ROBO2: variants seen among roughly 807,000 people sequenced by gnomAD.
The protein encoded by ROBO2 is roundabout guidance receptor 2.
ROBO2 carries 53 observed loss-of-function variants against 160.8 expected under a neutral mutation model. The ratio of observed to expected loss-of-function variants is 0.33; its 90% confidence interval spans 0.26 to 0.41. The LOEUF is 0.41. ROBO2 is among the 10% of genes least tolerant of loss of function. The pLI, the probability that ROBO2 is intolerant of heterozygous loss-of-function variation, is 1.00. For missense variants in ROBO2, 1,577 were observed against 1,722.4 expected (o/e 0.92, Z 1.49); for synonymous variants, 664 against 611.7 (o/e 1.09, Z -1.26).
chr3:77,094,029 T>C (rs943417157), intron 1 of ROBO2, among the ~76,000 whole-genome samples: 1 of 152,200 alleles, frequency 6.6e-6, no homozygotes, highest in African/African-American at 2.4e-5. Context: ...GTATAAAATA[T>C]AATAATCTTT....
intron 2 of ROBO2, among the ~76,000 whole-genome samples, chr3:76,705,793 T>G (rs264561): frequency 0.43 from 65,202 of 151,474 alleles, 14,216 homozygotes; most frequent in Non-Finnish European, 0.47. Flanking sequence ...TTCTTTCTAT[T>G]TGCATAAAGT....
intron 2 of ROBO2, among the ~76,000 whole-genome samples, chr3:76,595,283 A>G (rs1432248318): frequency 6.6e-6 from 1 of 152,058 alleles, no homozygotes; most frequent in Admixed American, 6.6e-5. Flanking sequence ...ATATATATAT[A>G]CATAGAACAC....
At position 76,893,942 on chromosome 3, in the gene ROBO2, A is replaced by G. The variant is rs142030637; in HGVS notation, c.110-204072A>G. Among the ~76,000 whole-genome samples the G allele has an allele frequency of 2.1e-3, 321 of 152,234 alleles. 1 individual carries two copies. The highest frequency in any genetic ancestry group is 0.014 in the Middle Eastern group (4 of 294). On this transcript the variant is annotated intron_variant, in intron 2 of 26. Transcript: ENST00000487694. ...TATGATATTTGTCTTTTGTTTTTAT[A>G]AACAAGAAGTGAATAATTACCCCTG...
At chr3:76,684,793 C>A (rs1487676150) in intron 2 of ROBO2, among the ~76,000 whole-genome samples, 4 of 152,056 alleles carry the variant, frequency 2.6e-5, no homozygotes, top group Admixed American at 2.6e-4. Context: ...TCTTTCTGAA[C>A]TTTTGTCACT....
chr3:76,432,800 G>C (rs1240609979), intron 2 of ROBO2, among the ~76,000 whole-genome samples: 1 of 151,828 alleles, frequency 6.6e-6, no homozygotes, highest in East Asian at 1.9e-4. Context: ...CGAAAAAACA[G>C]GGCATTGGGG....
intron 2 of ROBO2, among the ~76,000 whole-genome samples, chr3:76,307,816 TAAAG>T (rs1459384088): frequency 6.6e-6 from 1 of 152,026 alleles, no homozygotes; most frequent in Non-Finnish European, 1.5e-5. Flanking sequence ...TTCATGAAAA[TAAAG>T]AAAACCTCTA....
chr3:76,289,473 C>T (rs1708697181), intron 2 of ROBO2, among the ~76,000 whole-genome samples: 1 of 151,990 alleles, frequency 6.6e-6, no homozygotes, highest in African/African-American at 2.4e-5. Flanking sequence ...TTTGTTTGCT[C>T]TGCAGAAGCT....
chr3:76,459,585 A>C (rs1577346772), intron 2 of ROBO2, among the ~76,000 whole-genome samples: 1 of 152,128 alleles, frequency 6.6e-6, no homozygotes, highest in Non-Finnish European at 1.5e-5. Flanking sequence ...GCAAATAGCT[A>C]CTAGTAGTAA....
At chr3:76,761,249 T>G (rs1303394466) in intron 2 of ROBO2, among the ~76,000 whole-genome samples, 1 of 151,732 alleles carries the variant, frequency 6.6e-6, no homozygotes, top group African/African-American at 2.4e-5. Flanking sequence ...AAATCAAACC[T>G]TAGAGAAAAA....
At chr3:77,236,169 T>C (rs1438845636) in intron 2 of ROBO2, among the ~76,000 whole-genome samples, 2 of 152,186 alleles carry the variant, frequency 1.3e-5, no homozygotes, top group Non-Finnish European at 2.9e-5. Flanking sequence ...CAGTTCTGTC[T>C]GGAAAGTAGG....
At chr3:76,478,395 A>G (rs2079044650) in intron 2 of ROBO2, among the ~76,000 whole-genome samples, 1 of 151,646 alleles carries the variant, frequency 6.6e-6, no homozygotes. Flanking sequence ...TCCATGGTGT[A>G]TATGTGCCAC....
chr3:76,076,676 A>G (rs973867021), intron 2 of ROBO2, among the ~76,000 whole-genome samples: 2 of 152,210 alleles, frequency 1.3e-5, no homozygotes, highest in African/African-American at 4.8e-5. Context: ...AAAATGAAAC[A>G]TTGTGTTTCA....
intron 2 of ROBO2, among the ~76,000 whole-genome samples, chr3:77,159,399 C>T (rs1393884425): frequency 1.3e-5 from 2 of 152,100 alleles, no homozygotes; most frequent in Non-Finnish European, 2.9e-5. Flanking sequence ...AGCTATTGCA[C>T]TAGGGGGTGT....
chr3:77,091,211 A>G (rs1441222808), intron 1 of ROBO2, among the ~76,000 whole-genome samples: 1 of 152,206 alleles, frequency 6.6e-6, no homozygotes, highest in Non-Finnish European at 1.5e-5. Flanking sequence ...TCTGTAACAC[A>G]TGAAATGAAA....
At chr3:76,366,223 A>T (rs1488309035) in intron 2 of ROBO2, among the ~76,000 whole-genome samples, 2 of 152,026 alleles carry the variant, frequency 1.3e-5, no homozygotes, top group Non-Finnish European at 2.9e-5. Context: ...TGATTAAACC[A>T]TTTAAGGTGG....
At position 76,826,563 on chromosome 3, in the gene ROBO2, C is replaced by A. The variant is rs1247762034; in HGVS notation, c.110-271451C>A. Among the ~76,000 whole-genome samples the A allele has an allele frequency of 5.9e-5, 9 of 152,154 alleles. No homozygotes were observed. In the East Asian group the frequency reaches 1.5e-3, roughly 26 times the overall value. The stretch of plus-strand genomic sequence containing the variant: ...CTTGGGAGGTATGGCCCCGTAATAA[C>A]AAGAGCATGCTACATAAGGCTAGAG... On this transcript the variant is annotated intron_variant, in intron 2 of 26. Transcript: ENST00000487694.
At chr3:77,570,544 T>G (rs1172995960) in intron 13 of ROBO2, among the ~76,000 whole-genome samples, 1 of 152,036 alleles carries the variant, frequency 6.6e-6, no homozygotes, top group Non-Finnish European at 1.5e-5. Context: ...TTTTACACTT[T>G]TTTTAATAGA....
At chr3:76,115,942 A>G (rs2070450493) in intron 2 of ROBO2, among the ~76,000 whole-genome samples, 1 of 152,102 alleles carries the variant, frequency 6.6e-6, no homozygotes, top group Non-Finnish European at 1.5e-5. Context: ...TTTGTTGGAA[A>G]CTCACAAAAT....
intron 2 of ROBO2, among the ~76,000 whole-genome samples, chr3:76,247,913 G>A (rs1705721438): frequency 6.6e-6 from 1 of 151,838 alleles, no homozygotes; most frequent in South Asian, 2.1e-4. Flanking sequence ...CTGGCCATCA[G>A]AGAAATGCAA....
Sources: allele counts gnomAD v4.1 joint callset (sites outside exome capture counted in the v4.1 genomes callset), GRCh38; gene constraint gnomAD v4.1.1; transcripts MANE v1.5; gene names NCBI Gene and HGNC (gene_info 2026-07-23, HGNC 2026-07-21).